The following SNX27 variants were observed in gnomAD, a reference collection of about 807,000 sequenced individuals.
SNX27 encodes sorting nexin-27.
In SNX27, 22 loss-of-function variants were observed where a neutral mutation model predicts 71.6. That is an observed-to-expected ratio of 0.31 (90% CI 0.22 to 0.44). The LOEUF is 0.44. Among genes scored for constraint, SNX27 ranks in the 20% least tolerant of loss-of-function variants. The probability of loss-of-function intolerance (pLI) is 1.00; values close to 1 mark genes in which losing one functional copy is unlikely to be tolerated. For missense variants in SNX27, 531 were observed against 698.6 expected (o/e 0.76, Z 2.70); for synonymous variants, 269 against 277.2 (o/e 0.97, Z 0.29).
At chr1:151,615,941 G>C (rs1368131563) in intron 1 of SNX27, 1 of 444,158 alleles carries the variant, frequency 2.3e-6, no homozygotes, top group Non-Finnish European at 3.0e-6. Context: ...AAACTAAATT[G>C]GAGCCCATAT....
chr1:151,636,666 TAAAAAAAAAAAAAAA>T (rs11333472), intron 1 of SNX27, among the ~76,000 whole-genome samples: 1 of 97,564 alleles, frequency 1.0e-5, no homozygotes, highest in Non-Finnish European at 2.1e-5. Flanking sequence ...TCCACTTTTG[TAAAAAAAAAAAAAAA>T]AAAAAAAAAG....
chr1:151,691,559 C>G (rs1671451851), intron 8 of SNX27, among the ~76,000 whole-genome samples: 1 of 150,480 alleles, frequency 6.6e-6, no homozygotes, highest in South Asian at 2.1e-4. Context: ...CAACCTCTGC[C>G]TCCTGGGTTC....
intron 1 of SNX27, among the ~76,000 whole-genome samples, chr1:151,630,816 G>A (rs900013564): frequency 6.6e-6 from 1 of 152,128 alleles, no homozygotes; most frequent in African/African-American, 2.4e-5. Context: ...GGTGGATCAC[G>A]AGGTCAGGAG....
intron 1 of SNX27, among the ~76,000 whole-genome samples, chr1:151,613,537 C>T (rs1667290203): frequency 6.6e-6 from 1 of 151,896 alleles, no homozygotes; most frequent in Non-Finnish European, 1.5e-5. Context: ...TTGTCCTAGT[C>T]TTTCCCTCCC....
At position 151,666,010 on chromosome 1, in the gene SNX27, T is replaced by A; in HGVS notation, c.984T>A (p.Phe328Leu). ...TATTTGAAGTGATCAGTCACTCCTTTGGTAAGTACCAGTGGCTGATACTAA... is the reference window on the plus strand; with the variant it reads ...TATTTGAAGTGATCAGTCACTCCTTAGGTAAGTACCAGTGGCTGATACTAA... Reference protein sequence around the residue: ...FALFEVISHSFVRKLAPNEFP... With the variant: ...FALFEVISHSLVRKLAPNEFP... The change falls in exon 6 of 12, where the codon TTT (phenylalanine) becomes TTA (leucine). Residue 328 changes from phenylalanine (F) to leucine (L), a missense_variant and splice_region_variant. By Grantham distance (22) the Phe-to-Leu change is conservative (BLOSUM62 0). Around this residue, in one of 5 missense-constraint regions of SNX27, gnomAD observed 184 missense variants for 289.6 expected, o/e 0.64. Coordinates refer to ENST00000458013, the MANE Select transcript of SNX27 (RefSeq NM_001330723.2). 1 of 1,609,742 alleles carries A rather than the reference T, an allele frequency of 6.2e-7. No homozygotes were observed. Among genetic ancestry groups the A allele is most frequent in the Non-Finnish European group, 8.5e-7 (1 of 1,176,888 alleles).
Position 151,612,846 on chromosome 1 carries a change from C to CT in SNX27, c.311+335dup, listed in dbSNP as rs928448357. On this transcript the variant is annotated intron_variant, in intron 1 of 11. Coordinates refer to ENST00000458013, the MANE Select transcript of SNX27 (RefSeq NM_001330723.2). The surrounding 1 kb of genome is among the most constrained non-coding windows in gnomAD (Gnocchi z 5.2). Reference sequence around the variant, plus strand: ...TGCTGCATTCTGCTCCTCACTCCCCCTCGTCTTGCTCAGAAGGAACCTCAT... The same window carrying CT: ...TGCTGCATTCTGCTCCTCACTCCCCCTTCGTCTTGCTCAGAAGGAACCTCAT... Among the ~76,000 whole-genome samples the CT allele has an allele frequency of 2.6e-5, 4 of 152,154 alleles. No individual in the cohort carries two copies. The highest frequency in any genetic ancestry group is 9.7e-5 in the African/African-American group (4 of 41,442).
intron 2 of SNX27, among the ~76,000 whole-genome samples, chr1:151,645,390 G>A (rs1668988207): frequency 6.6e-6 from 1 of 152,122 alleles, no homozygotes; most frequent in African/African-American, 2.4e-5. Flanking sequence ...ATTGTATCTT[G>A]CATATTTATG....
At chr1:151,665,890 T>A in intron 5 of SNX27, 43 bp from the exon 6 acceptor site, 1 of 1,518,608 alleles carries the variant, frequency 6.6e-7, no homozygotes, top group Non-Finnish European at 9.1e-7. Flanking sequence ...CAGCATTGTC[T>A]GACTTAATTT....
At chr1:151,645,748 A>T (rs1192733228) in intron 2 of SNX27, among the ~76,000 whole-genome samples, 1 of 152,178 alleles carries the variant, frequency 6.6e-6, no homozygotes, top group Non-Finnish European at 1.5e-5. Context: ...TTAGTTACTT[A>T]AATTGTGCTA....
chr1:151,694,535 A>G lies in SNX27; in HGVS notation c.*118A>G. On this transcript the variant is annotated 3_prime_UTR_variant, in exon 12 of 12. Transcript: ENST00000458013. ...AGAAAAAGTTAAAGTCGTTATATTC[A>G]AAAGCCCTAAACTAAATATTATTAA... 1 of 1,046,126 alleles carries G rather than the reference A, an allele frequency of 9.6e-7. No homozygotes were observed. The highest frequency in any genetic ancestry group is 1.4e-6 in the Non-Finnish European group (1 of 735,406). 64.8% of individuals were successfully genotyped at this position (1,046,126 alleles called of 1,614,324 possible).
intron 1 of SNX27, among the ~76,000 whole-genome samples, chr1:151,635,958 G>GT (rs1202665800): frequency 6.6e-6 from 1 of 152,126 alleles, no homozygotes; most frequent in Non-Finnish European, 1.5e-5. Context: ...AAGGAACGGT[G>GT]TATTTTGATT....
chr1:151,694,195 C>A, intron 11 of SNX27, 175 bp from the exon 12 acceptor site: 1 of 1,367,672 alleles, frequency 7.3e-7, no homozygotes, highest in South Asian at 1.8e-5. Context: ...AATTAATATC[C>A]AAGGTCCCTT....
chr1:151,651,165 C>G lies in SNX27; in HGVS notation c.544-7070C>G, dbSNP rs868128081. ...GCCGGGCAGAGGGGCTCCTCACTTC[C>G]CAGTAGGGGCGGCTGGGCAGAGGCG... On this transcript the variant is annotated intron_variant, in intron 2 of 11. Coordinates refer to ENST00000458013, the MANE Select transcript of SNX27 (RefSeq NM_001330723.2). 3.8e-4 allele frequency among the ~76,000 whole-genome samples: 57 copies of G among 150,952 alleles called. 1 individual carries two copies. In the South Asian group the frequency reaches 9.9e-3, roughly 26 times the overall value.
chr1:151,659,682 A>G (rs1218505279), intron 3 of SNX27: 1 of 152,188 alleles, frequency 6.6e-6, no homozygotes, highest in Non-Finnish European at 1.5e-5. Flanking sequence ...TTGTTATCTC[A>G]GTGCCTCCAA....
chr1:151,663,854 C>T (rs1670070547), intron 5 of SNX27, among the ~76,000 whole-genome samples: 1 of 151,964 alleles, frequency 6.6e-6, no homozygotes, highest in Admixed American at 6.6e-5. Context: ...TCAAATGAAT[C>T]GATCCATTGA....
chr1:151,646,268 T>G (rs572544057), intron 2 of SNX27, among the ~76,000 whole-genome samples: 41 of 152,268 alleles, frequency 2.7e-4, no homozygotes, highest in African/African-American at 9.9e-4. Flanking sequence ...GGGTTTCTCA[T>G]AGAAAGCTTA....
intron 1 of SNX27, chr1:151,613,361 A>G (rs1305961050): frequency 1.3e-5 from 2 of 152,532 alleles, no homozygotes; most frequent in East Asian, 1.9e-4. Context: ...CTCCTGCTCT[A>G]TACTCATGCC....
At chr1:151,642,712 C>T (rs1454524293) in intron 2 of SNX27, among the ~76,000 whole-genome samples, 6 of 152,088 alleles carry the variant, frequency 3.9e-5, no homozygotes, top group South Asian at 2.1e-4. Context: ...AATCTTGGCT[C>T]ACTGCAAGCT....
chr1:151,676,907 G>A (rs1295153303), intron 7 of SNX27: 4 of 151,634 alleles, frequency 2.6e-5, no homozygotes, highest in South Asian at 2.1e-4. Context: ...TGCTTAACTT[G>A]TCTTTCATTA....
Sources: gnomAD v4.1 joint callset for allele counts (sites outside exome capture counted in the v4.1 genomes callset) on GRCh38, gnomAD v4.1.1 for gene constraint, gnomAD v4.1.1 regional missense constraint, Gnocchi (gnomAD v3.1) non-coding constraint, MANE v1.5 for transcripts, NCBI Gene and HGNC (gene_info 2026-07-23, HGNC 2026-07-21) for gene names.